TANC2: variants seen among roughly 807,000 people sequenced by gnomAD.
TANC2 encodes the protein protein TANC2.
TANC2 carries 26 observed loss-of-function variants against 210.5 expected under a neutral mutation model. That is an observed-to-expected ratio of 0.12 (90% CI 0.09 to 0.17). The LOEUF (loss-of-function observed/expected upper bound fraction) is 0.17, where lower values mean the gene tolerates loss of function less well. Ranked by LOEUF, TANC2 falls within the 10% of genes least tolerant of loss-of-function variation. TANC2 has a pLI of 1.00. For missense variants in TANC2, 2,129 were observed against 2,608.9 expected (o/e 0.82, Z 4.01); for synonymous variants, 931 against 967.1 (o/e 0.96, Z 0.69).
chr17:63,327,602 CTATATAT>C (rs2045691735), intron 11 of TANC2, among the ~76,000 whole-genome samples: 1 of 152,082 alleles, frequency 6.6e-6, no homozygotes, highest in Non-Finnish European at 1.5e-5. Flanking sequence ...ATAAATTGTT[CTATATAT>C]AAATATAAAG....
chr17:63,375,414 A>G (rs2047394961), intron 14 of TANC2, among the ~76,000 whole-genome samples: 1 of 152,246 alleles, frequency 6.6e-6, no homozygotes, highest in Non-Finnish European at 1.5e-5. Flanking sequence ...TTTCTTAGTT[A>G]TGGTGGTAAA....
chr17:63,249,852 A>G (rs1214488657), intron 8 of TANC2, among the ~76,000 whole-genome samples: 4 of 152,206 alleles, frequency 2.6e-5, no homozygotes, highest in African/African-American at 9.6e-5. Flanking sequence ...CTAGAGTGAC[A>G]ATTTTACTAC....
chr17:63,253,510 T>C (rs1296336307), intron 8 of TANC2, among the ~76,000 whole-genome samples: 2 of 152,220 alleles, frequency 1.3e-5, no homozygotes, highest in Non-Finnish European at 2.9e-5. Context: ...GAAGAAACCT[T>C]TGCCCAGACC....
At chr17:63,249,163 T>A (rs924683015) in intron 8 of TANC2, among the ~76,000 whole-genome samples, 7 of 152,152 alleles carry the variant, frequency 4.6e-5, no homozygotes, top group African/African-American at 1.7e-4. Context: ...GTGATTAAAG[T>A]TGAGTTTTGG....
chr17:63,006,918 C>G (rs1036063018), intron 1 of TANC2, among the ~76,000 whole-genome samples: 2 of 151,670 alleles, frequency 1.3e-5, no homozygotes, highest in African/African-American at 4.8e-5. Context: ...CTTATTGGGT[C>G]CATTGATTTA....
At chr17:63,303,334 G>A (rs1217423859) in intron 9 of TANC2, among the ~76,000 whole-genome samples, 1 of 152,134 alleles carries the variant, frequency 6.6e-6, no homozygotes, top group Non-Finnish European at 1.5e-5. Context: ...ATCTGGAAAG[G>A]ATTTTATTTC....
intron 2 of TANC2, among the ~76,000 whole-genome samples, chr17:63,022,528 G>C (rs1209870046): frequency 2.0e-5 from 3 of 152,078 alleles, no homozygotes; most frequent in Non-Finnish European, 4.4e-5. Context: ...TTCCCAGCCT[G>C]GCCATGTAAA....
chr17:63,343,670 C>G lies in TANC2; in HGVS notation c.1807+3338C>G, dbSNP rs547109579. On this transcript the variant is annotated intron_variant, in intron 12 of 27. Transcript: ENST00000689528. ...CTGTAATCCCAGTGCTTTGGGAGGC[C>G]AGGGCAGGAGGATCACTTGAGCCTA... 4.4e-4 allele frequency among the ~76,000 whole-genome samples: 67 copies of G among 152,166 alleles called. No individual in the cohort carries two copies. In the South Asian group the frequency reaches 7.9e-3, roughly 18 times the overall value.
At chr17:62,967,984 C>A (rs2031457733) in intron 1 of TANC2, among the ~76,000 whole-genome samples, 1 of 152,180 alleles carries the variant, frequency 6.6e-6, no homozygotes, top group Non-Finnish European at 1.5e-5. Flanking sequence ...CTCTCTCTTG[C>A]TCCCCTCTGT....
At chr17:63,202,441 A>T (rs2041565564) in intron 7 of TANC2, among the ~76,000 whole-genome samples, 1 of 152,164 alleles carries the variant, frequency 6.6e-6, no homozygotes, top group Non-Finnish European at 1.5e-5. Context: ...TAGAATAAAG[A>T]AGAGGAAAGA....
chr17:63,346,482 A>T (rs1355937701), intron 12 of TANC2, among the ~76,000 whole-genome samples: 1 of 152,222 alleles, frequency 6.6e-6, no homozygotes, highest in African/African-American at 2.4e-5. Flanking sequence ...AACAGCCTAC[A>T]AGCACATGAA....
chr17:63,255,611 T>C (rs1052528352), intron 8 of TANC2, among the ~76,000 whole-genome samples: 1 of 152,168 alleles, frequency 6.6e-6, no homozygotes, highest in East Asian at 1.9e-4. Flanking sequence ...TAGTTGCTCA[T>C]AGTAGTCTCT....
chr17:63,224,209 C>G (rs574223092), intron 7 of TANC2, among the ~76,000 whole-genome samples: 9 of 150,908 alleles, frequency 6.0e-5, no homozygotes, highest in African/African-American at 2.2e-4. Context: ...ACCACTGATG[C>G]TTTTAGTCAA....
chr17:63,262,439 C>G (rs1483635881), intron 8 of TANC2, among the ~76,000 whole-genome samples: 1 of 152,192 alleles, frequency 6.6e-6, no homozygotes, highest in African/African-American at 2.4e-5. Context: ...ATCCTCCCAC[C>G]TCAGCCTTCT....
chr17:63,008,954 T>A lies in TANC2; in HGVS notation c.-23-583T>A, dbSNP rs1222894158. Among the ~76,000 whole-genome samples the A allele has an allele frequency of 2.0e-5, 3 of 152,172 alleles. No homozygotes were observed. In the East Asian group the frequency reaches 5.8e-4, roughly 29 times the overall value. On this transcript the variant is annotated intron_variant, in intron 1 of 27. Transcript: ENST00000689528. ...GTATTTATAGCTACCTAATTATGTT[T>A]TCTATTGCTCTGCATCCTCAGTGAT...
At chr17:63,400,347 C>T (rs933255901) in intron 19 of TANC2, among the ~76,000 whole-genome samples, 4 of 152,000 alleles carry the variant, frequency 2.6e-5, no homozygotes, top group African/African-American at 4.8e-5. Context: ...TCAAGAAGGG[C>T]GTGAATTAAA....
intron 9 of TANC2, among the ~76,000 whole-genome samples, chr17:63,302,855 C>G (rs1025993408): frequency 4.6e-5 from 7 of 151,954 alleles, no homozygotes; most frequent in African/African-American, 1.4e-4. Flanking sequence ...CCTCTAACTC[C>G]CAGGTTCAAG....
intron 9 of TANC2, among the ~76,000 whole-genome samples, chr17:63,299,435 T>C (rs1301746074): frequency 6.6e-6 from 1 of 152,152 alleles, no homozygotes; most frequent in Non-Finnish European, 1.5e-5. Flanking sequence ...CCAGCATCTA[T>C]TGTTTATTGA....
At chr17:63,299,088 T>G (rs1316815779) in intron 9 of TANC2, among the ~76,000 whole-genome samples, 1 of 152,160 alleles carries the variant, frequency 6.6e-6, no homozygotes, top group Non-Finnish European at 1.5e-5. Context: ...TGTGTCCCTG[T>G]AAAGGACATG....
Sources: allele counts gnomAD v4.1 joint callset (sites outside exome capture counted in the v4.1 genomes callset), GRCh38; gene constraint gnomAD v4.1.1; transcripts MANE v1.5; gene names NCBI Gene and HGNC (gene_info 2026-07-23, HGNC 2026-07-21).